USP15: variants seen among roughly 807,000 people sequenced by gnomAD.
USP15 encodes the protein ubiquitin carboxyl-terminal hydrolase 15.
A neutral mutation model predicts 127.1 loss-of-function variants in USP15; 18 were observed. That is an observed-to-expected ratio of 0.14 (90% CI 0.10 to 0.21). The LOEUF is 0.21. Ranked by LOEUF, USP15 falls within the 10% of genes least tolerant of loss-of-function variation. USP15 has a pLI of 1.00. For synonymous variants in USP15, 364 were observed against 393.7 expected (o/e 0.92, Z 0.89); for missense variants, 805 against 1,159.9 (o/e 0.69, Z 4.44).
intron 7 of USP15, among the ~76,000 whole-genome samples, chr12:62,353,968 C>T (rs1025191971): frequency 6.6e-6 from 1 of 151,914 alleles, no homozygotes; most frequent in Non-Finnish European, 1.5e-5. Context: ...CTGTTTTTAT[C>T]TCAGGGTGGA....
At chr12:62,285,946 A>G in intron 1 of USP15, among the ~76,000 whole-genome samples, 1 of 152,132 alleles carries the variant, frequency 6.6e-6, no homozygotes, top group Non-Finnish European at 1.5e-5. Context: ...AACATCTGTT[A>G]TCTTTTGAGC....
intron 7 of USP15, among the ~76,000 whole-genome samples, chr12:62,349,563 G>C (rs2065910489): frequency 6.6e-6 from 1 of 151,892 alleles, no homozygotes; most frequent in South Asian, 2.1e-4. Context: ...AATATATTTA[G>C]AAGTTTGTTA....
At chr12:62,357,854 G>A (rs2066184262) in intron 8 of USP15, among the ~76,000 whole-genome samples, 1 of 152,040 alleles carries the variant, frequency 6.6e-6, no homozygotes, top group African/African-American at 2.4e-5. Context: ...AATGGTGGCA[G>A]TAGCCTTTAC....
In USP15 at chr12:62,304,712, A is replaced by T. The variant is rs1258713828; in HGVS notation, c.348+1792A>T. ...GAATGGACGAAAAGAAAGCAAGGAT[A>T]TAAGCAGAAAATACGATGGAATCAA... On this transcript the variant is annotated intron_variant, in intron 3 of 21. Transcript: ENST00000280377. The T allele has an allele frequency of 8.8e-6, 4 of 454,946 alleles. No homozygotes were observed. In the Admixed American group the frequency reaches 9.4e-5, roughly 11 times the overall value. The allele number at this position is 454,946 out of a possible 1,614,324, so 28.2% of individuals were successfully genotyped here.
rs780292251 is a variant in USP15, at chr12:62,314,936, T to C, written c.475+20T>C. The C allele has an allele frequency of 1.8e-5, 28 of 1,547,662 alleles. No homozygotes were observed. Among genetic ancestry groups the C allele is most frequent in the Non-Finnish European group, 2.4e-5 (28 of 1,147,914 alleles). ...CAATAGGTAATGCAAGATCCTGTCT[T>C]GTTTTTAATCCATTGCTATTAGATA... On this transcript the variant is annotated intron_variant, in intron 4 of 21. Transcript: ENST00000280377.
chr12:62,300,609 A>G (rs2064282859), intron 2 of USP15, among the ~76,000 whole-genome samples: 1 of 152,182 alleles, frequency 6.6e-6, no homozygotes, highest in South Asian at 2.1e-4. Context: ...ATCTACACAT[A>G]TATAGTCATT....
At chr12:62,398,893 C>G (rs1053298403) in intron 20 of USP15, among the ~76,000 whole-genome samples, 1 of 152,152 alleles carries the variant, frequency 6.6e-6, no homozygotes, top group African/African-American at 2.4e-5. Flanking sequence ...ACCTGCTTCT[C>G]CCAGCAGTTT....
At chr12:62,385,658 G>A (rs2067125776) in intron 11 of USP15, among the ~76,000 whole-genome samples, 1 of 151,856 alleles carries the variant, frequency 6.6e-6, no homozygotes, top group Admixed American at 6.6e-5. Context: ...TTTTGGCCTG[G>A]GGAATATGTG....
rs1432414196 is a variant in USP15, at chr12:62,407,735, T to G, written c.*3360T>G. The G allele has an allele frequency of 3.1e-5, 4 of 129,106 alleles. No homozygotes were observed. Among genetic ancestry groups the G allele is most frequent in the East Asian group, 2.5e-4 (1 of 4,062 alleles). The allele number at this position is 129,106 out of a possible 1,614,324, so 8.0% of individuals were successfully genotyped here. A position where few individuals can be genotyped will look rare whatever the true frequency, so the allele number is the denominator to read the frequency against. ...TTGTAAACTCTACTCTAGTTTTGCT[T>G]TCTGTTTGTTTGTTTGTTTGTTTAG... On this transcript the variant is annotated 3_prime_UTR_variant, in exon 22 of 22. Transcript: ENST00000280377.
intron 8 of USP15, among the ~76,000 whole-genome samples, chr12:62,357,526 C>T (rs961520190): frequency 2.0e-5 from 3 of 151,816 alleles, no homozygotes; most frequent in East Asian, 1.9e-4. Context: ...CAGCCGTGAG[C>T]GTGATGGTTT....
intron 9 of USP15, among the ~76,000 whole-genome samples, chr12:62,383,017 A>G (rs918119584): frequency 1.4e-4 from 21 of 152,080 alleles, no homozygotes; most frequent in African/African-American, 4.6e-4. Flanking sequence ...ACAAAGATCA[A>G]TACATTTTTA....
rs2068100862 is a variant in USP15 at position 62,414,149 on chromosome 12, A to G, written c.*9774A>G. On this transcript the variant is annotated 3_prime_UTR_variant, in exon 22 of 22. Transcript: ENST00000280377. ...GATCACCGTAACAGATACAATAATA[A>G]TGAAGACATTTGAAATGTGAGAAGT... The G allele has an allele frequency of 6.6e-6, 1 of 152,226 alleles. No homozygotes were observed. The highest frequency in any genetic ancestry group is 1.5e-5 in the Non-Finnish European group (1 of 68,036). The allele number at this position is 152,226 out of a possible 1,614,324, so 9.4% of individuals were successfully genotyped here. A position where few individuals can be genotyped will look rare whatever the true frequency, so the allele number is the denominator to read the frequency against.
intron 8 of USP15, among the ~76,000 whole-genome samples, chr12:62,372,698 T>A (rs1219798676): frequency 6.6e-6 from 1 of 152,112 alleles, no homozygotes; most frequent in Non-Finnish European, 1.5e-5. Flanking sequence ...AGAACCATTT[T>A]TTCATAAATC....
At position 62,412,339 on chromosome 12, in the gene USP15, G is replaced by A. The variant is rs1208952017; in HGVS notation, c.*7964G>A. On this transcript the variant is annotated 3_prime_UTR_variant, in exon 22 of 22. Transcript: ENST00000280377. Reference sequence around the variant, plus strand: ...CAGGATGGTGGTTGCTGAAGGTTAGGGTGGCCGTGGCAATTTTTTACAATA... The same window carrying A: ...CAGGATGGTGGTTGCTGAAGGTTAGAGTGGCCGTGGCAATTTTTTACAATA... 3 of 152,168 alleles carry A rather than the reference G, an allele frequency of 2.0e-5. No homozygotes were observed. The highest frequency in any genetic ancestry group is 2.0e-4 in the Admixed American group (3 of 15,260). 9.4% of individuals were successfully genotyped at this position (152,168 alleles called of 1,614,324 possible).
chr12:62,276,192 C>T (rs2137071316), intron 1 of USP15, among the ~76,000 whole-genome samples: 1 of 152,192 alleles, frequency 6.6e-6, no homozygotes, highest in Non-Finnish European at 1.5e-5. Flanking sequence ...TTAGATTATA[C>T]ATTGGTACAT....
At chr12:62,325,701 C>T (rs887737069) in intron 5 of USP15, among the ~76,000 whole-genome samples, 171 bp from the exon 6 acceptor site, 5 of 152,094 alleles carry the variant, frequency 3.3e-5, no homozygotes, top group African/African-American at 1.2e-4. Flanking sequence ...CTTTTAGTCT[C>T]ACCTGCCTAG....
intron 11 of USP15, among the ~76,000 whole-genome samples, chr12:62,388,353 G>A (rs547612333): frequency 2.6e-5 from 4 of 152,170 alleles, no homozygotes; most frequent in Admixed American, 6.6e-5. Context: ...GGCTGGTCTC[G>A]AACTTTCGGG....
chr12:62,354,075 G>A lies in USP15; in HGVS notation c.771-1256G>A, dbSNP rs553231809. On this transcript the variant is annotated intron_variant, in intron 7 of 21. Coordinates refer to ENST00000280377, the MANE Select transcript of USP15 (RefSeq NM_001252078.2). ...AAACATTAGTAGGCCAACATTGTAT[G>A]TGTAATTTTAGGTTGGTTTGGTTTT... Among the ~76,000 whole-genome samples the A allele has an allele frequency of 2.0e-3, 299 of 151,744 alleles. 1 individual carries two copies. The highest frequency in any genetic ancestry group is 6.8e-3 in the African/African-American group (284 of 41,468).
intron 7 of USP15, among the ~76,000 whole-genome samples, chr12:62,352,434 C>T (rs988181261): frequency 6.6e-6 from 1 of 151,906 alleles, no homozygotes; most frequent in African/African-American, 2.4e-5. Context: ...GGTAATAGTT[C>T]TATAACCTGT....
Sources: gnomAD v4.1 joint callset for allele counts (sites outside exome capture counted in the v4.1 genomes callset) on GRCh38, gnomAD v4.1.1 for gene constraint, MANE v1.5 for transcripts, NCBI Gene and HGNC (gene_info 2026-07-23, HGNC 2026-07-21) for gene names.